WWC2: variants seen among roughly 807,000 people sequenced by gnomAD.
WWC2 encodes WW and C2 domain containing 2, also known as protein WWC2.
Under a neutral mutation model 138.5 loss-of-function variants are expected in WWC2, and 101 were observed. That is an observed-to-expected ratio of 0.73 (90% CI 0.62 to 0.86). WWC2 has a LOEUF of 0.86. WWC2 is among the 40% of genes least tolerant of loss of function. The pLI is 0.00. For missense variants in WWC2, 1,420 were observed against 1,419.4 expected (o/e 1.00, Z -0.01); for synonymous variants, 558 against 538.4 (o/e 1.04, Z -0.50).
intron 21 of WWC2, among the ~76,000 whole-genome samples, chr4:183,303,311 T>C (rs1378898447): frequency 6.6e-6 from 1 of 152,222 alleles, no homozygotes; most frequent in Non-Finnish European, 1.5e-5. Flanking sequence ...ATTGAGCACT[T>C]GAGCCTTTAT....
At chr4:183,227,117 C>CCACCAT (rs1159403188) in intron 4 of WWC2, among the ~76,000 whole-genome samples, 1 of 151,796 alleles carries the variant, frequency 6.6e-6, no homozygotes, top group Non-Finnish European at 1.5e-5. Flanking sequence ...ATACCTCCCA[C>CCACCAT]CACCACCACC....
At chr4:183,279,514 T>C (rs191602358) in intron 16 of WWC2, among the ~76,000 whole-genome samples, 3 of 152,224 alleles carry the variant, frequency 2.0e-5, no homozygotes, top group African/African-American at 7.2e-5. Flanking sequence ...GAGGATTCCC[T>C]CTTTTTCTAT....
chr4:183,102,076 A>G (rs2152885494), intron 1 of WWC2, among the ~76,000 whole-genome samples: 1 of 152,310 alleles, frequency 6.6e-6, no homozygotes, highest in African/African-American at 2.4e-5. Context: ...TTATTCTAAA[A>G]TGCTTTTAAG....
intron 9 of WWC2, 150 bp downstream of exon 9, chr4:183,254,149 T>C: frequency 7.7e-7 from 1 of 1,290,810 alleles, no homozygotes. Flanking sequence ...AACAATAAAG[T>C]GCACCATCCT....
intron 1 of WWC2, among the ~76,000 whole-genome samples, chr4:183,176,774 A>G (rs1734481438): frequency 1.3e-5 from 2 of 152,002 alleles, no homozygotes; most frequent in African/African-American, 4.8e-5. Flanking sequence ...CTCAGACTGC[A>G]TCCTCTCCTT....
intron 1 of WWC2, among the ~76,000 whole-genome samples, chr4:183,186,470 A>T (rs1734803562): frequency 6.6e-6 from 1 of 152,180 alleles, no homozygotes; most frequent in African/African-American, 2.4e-5. Flanking sequence ...GGTTAGGATG[A>T]GGGAATGGTT....
At chr4:183,195,796 C>T (rs1424198689) in intron 2 of WWC2, among the ~76,000 whole-genome samples, 1 of 152,168 alleles carries the variant, frequency 6.6e-6, no homozygotes, top group African/African-American at 2.4e-5. Flanking sequence ...GCAAGAACTC[C>T]ACTTCCTCCA....
Position 183,284,256 on chromosome 4 carries a change from G to A in WWC2, c.2914G>A (p.Ala972Thr), listed in dbSNP as rs761530250. The change falls in exon 19 of 23, where the codon GCT becomes ACT. Residue 972 changes from alanine to threonine, a missense_variant. Coordinates refer to ENST00000403733, the MANE Select transcript of WWC2 (RefSeq NM_024949.6). ...VDKETNTDEA[A>T]NDNMAVRPKE... ...CAAAGAGACAAACACTGATGAAGCC[G>A]CTAATGACAATATGGCAGTTCGCCC... 1.4e-5 allele frequency: 23 copies of A among 1,613,794 alleles called. No homozygotes were observed. The highest frequency in any genetic ancestry group is 1.9e-5 in the Non-Finnish European group (22 of 1,179,878).
rs1448857276 is a variant in WWC2, at chr4:183,289,583, G to C, written c.3332G>C (p.Gly1111Ala). 2 of 1,613,942 alleles carry C rather than the reference G, an allele frequency of 1.2e-6. No individual in the cohort carries two copies. Among genetic ancestry groups the C allele is most frequent in the South Asian group, 2.2e-5 (2 of 91,072 alleles). ...KAQGETDLPP[G>A]VLEDERFQRL... ...CAGGGAGAGACTGACCTTCCACCAG[G>C]CGTGCTGGAGGATGAGAGGTTCCAG... Residue 1111 changes from glycine to alanine, a missense_variant, in exon 21 of 23, where the codon GGC becomes GCC. Gly to Ala is a moderately conservative substitution (Grantham distance 60, BLOSUM62 0). Transcript: ENST00000403733.
At chr4:183,151,636 A>G (rs1014745624) in intron 1 of WWC2, among the ~76,000 whole-genome samples, 2 of 147,936 alleles carry the variant, frequency 1.4e-5, no homozygotes, top group African/African-American at 5.0e-5. Context: ...CTGAATGGTA[A>G]TGCCTAGGTT....
At chr4:183,141,467 C>T (rs990289847) in intron 1 of WWC2, among the ~76,000 whole-genome samples, 11 of 152,142 alleles carry the variant, frequency 7.2e-5, no homozygotes, top group Non-Finnish European at 1.5e-4. Context: ...TAGGCTTCAA[C>T]GTATACATTT....
intron 1 of WWC2, among the ~76,000 whole-genome samples, chr4:183,179,708 G>GT (rs1734569267): frequency 6.6e-6 from 1 of 152,032 alleles, no homozygotes; most frequent in South Asian, 2.1e-4. Flanking sequence ...TTAAAGCGTT[G>GT]TTTTTTATGA....
intron 8 of WWC2, among the ~76,000 whole-genome samples, chr4:183,251,276 T>C (rs1403711912): frequency 2.6e-5 from 4 of 152,242 alleles, no homozygotes; most frequent in African/African-American, 9.6e-5. Context: ...TTTCGGTAGA[T>C]AGTGCCTGTG....
chr4:183,254,871 C>CA (rs568421997), intron 9 of WWC2, among the ~76,000 whole-genome samples: 5,724 of 148,102 alleles, frequency 0.039, 337 homozygotes, highest in African/African-American at 0.13. Flanking sequence ...CCAGTTGCTT[C>CA]AAAAAAAAAA....
intron 21 of WWC2, among the ~76,000 whole-genome samples, chr4:183,308,382 T>C (rs1739092646): frequency 6.6e-6 from 1 of 152,188 alleles, no homozygotes; most frequent in African/African-American, 2.4e-5. Context: ...CTAAAGTTTA[T>C]ATGGAGAGGC....
chr4:183,147,177 A>G lies in WWC2; in HGVS notation c.132-46422A>G, dbSNP rs567515288. 7.9e-5 allele frequency among the ~76,000 whole-genome samples: 12 copies of G among 152,344 alleles called. 1 individual carries two copies. The highest frequency in any genetic ancestry group is 2.9e-4 in the African/African-American group (12 of 41,574). ...CTCCTCCAGTCTCAACTTTTCTGAA[A>G]AGAGAAGGAAATAGGAACTTTTGAG... On this transcript the variant is annotated intron_variant, in intron 1 of 22. Coordinates refer to ENST00000403733, the MANE Select transcript of WWC2 (RefSeq NM_024949.6).
intron 1 of WWC2, among the ~76,000 whole-genome samples, chr4:183,180,014 A>G (rs1044643329): frequency 1.3e-5 from 2 of 152,184 alleles, no homozygotes; most frequent in Admixed American, 1.3e-4. Context: ...AGCTTTGGGA[A>G]AACATGATGT....
chr4:183,265,996 C>T (rs778940758), intron 14 of WWC2, 45 bp downstream of exon 14: 2 of 1,522,024 alleles, frequency 1.3e-6, no homozygotes, highest in Non-Finnish European at 1.8e-6. Flanking sequence ...TTAAACATTT[C>T]CATGTAAGAG....
At chr4:183,246,033 T>G (rs1185113187) in intron 6 of WWC2, among the ~76,000 whole-genome samples, 1 of 151,954 alleles carries the variant, frequency 6.6e-6, no homozygotes, top group East Asian at 1.9e-4. Context: ...GGGCGGGGAG[T>G]GCTGACCCAG....
Sources: gnomAD v4.1 joint callset for allele counts (sites outside exome capture counted in the v4.1 genomes callset) on GRCh38, gnomAD v4.1.1 for gene constraint, MANE v1.5 for transcripts, NCBI Gene and HGNC (gene_info 2026-07-23, HGNC 2026-07-21) for gene names.